The following NBEA variants were observed in gnomAD, a reference collection of about 807,000 sequenced individuals.
NBEA encodes the protein lysosomal-trafficking regulator 2.
NBEA carries 44 observed loss-of-function variants against 343.4 expected under a neutral mutation model. That is an observed-to-expected ratio of 0.13 (90% CI 0.10 to 0.16). The LOEUF is 0.16. Among genes scored for constraint, NBEA ranks in the 10% least tolerant of loss-of-function variants. NBEA has a pLI of 1.00. For synonymous variants in NBEA, 1,175 were observed against 1,238.7 expected (o/e 0.95, Z 1.08); for missense variants, 2,555 against 3,631.3 (o/e 0.70, Z 7.62).
chr13:35,303,214 G>A (rs763075603), intron 35 of NBEA, among the ~76,000 whole-genome samples: 15 of 151,828 alleles, frequency 9.9e-5, no homozygotes, highest in Non-Finnish European at 1.8e-4. Flanking sequence ...AGTTAGATTC[G>A]TTTTCTATAG....
chr13:35,016,231 G>A (rs902214685), intron 1 of NBEA, among the ~76,000 whole-genome samples: 1 of 152,032 alleles, frequency 6.6e-6, no homozygotes, highest in Non-Finnish European at 1.5e-5. Context: ...ATATGTGTAT[G>A]TGTGTGTATG....
chr13:35,126,288 C>G (rs181831666), intron 17 of NBEA, among the ~76,000 whole-genome samples: 1 of 152,060 alleles, frequency 6.6e-6, no homozygotes, highest in Non-Finnish European at 1.5e-5. Context: ...CCTGAGGCCT[C>G]CCCAGCAATG....
chr13:34,988,497 C>A (rs1371143614), intron 1 of NBEA, among the ~76,000 whole-genome samples: 1 of 151,008 alleles, frequency 6.6e-6, no homozygotes, highest in Non-Finnish European at 1.5e-5. Context: ...CAAGCCTCAG[C>A]AATGGCAGAC....
At chr13:34,948,149 C>T (rs2059244967) in intron 1 of NBEA, among the ~76,000 whole-genome samples, 1 of 152,184 alleles carries the variant, frequency 6.6e-6, no homozygotes, top group Non-Finnish European at 1.5e-5. Context: ...GTCTGGCGTA[C>T]ATGTCACCTC....
chr13:35,654,811 CAT>C (rs2084733459), intron 53 of NBEA, 42 bp from the exon 54 acceptor site: 2 of 1,511,738 alleles, frequency 1.3e-6, no homozygotes, highest in African/African-American at 2.9e-5. Flanking sequence ...TGGCAAAACT[CAT>C]ATGGAATCTT....
chr13:34,956,389 G>GTT (rs768937551), intron 1 of NBEA, among the ~76,000 whole-genome samples: 11 of 104,346 alleles, frequency 1.1e-4, no homozygotes, highest in South Asian at 3.2e-4. Context: ...AGTGAAAGTT[G>GTT]TTTTTTTTTT....
At chr13:35,525,155 T>C (rs2077907512) in intron 41 of NBEA, among the ~76,000 whole-genome samples, 1 of 152,264 alleles carries the variant, frequency 6.6e-6, no homozygotes, top group South Asian at 2.1e-4. Context: ...TTAATATATT[T>C]ACTTACCTTG....
chr13:35,498,240 C>G (rs1476144970), intron 41 of NBEA, among the ~76,000 whole-genome samples: 2 of 152,134 alleles, frequency 1.3e-5, no homozygotes, highest in Non-Finnish European at 2.9e-5. Context: ...TTGAAAATCT[C>G]TCATTGCTAA....
intron 27 of NBEA, among the ~76,000 whole-genome samples, chr13:35,175,225 G>A (rs369235764): frequency 1.7e-4 from 26 of 152,060 alleles, no homozygotes; most frequent in Non-Finnish European, 3.2e-4. Context: ...AAATTTCTGT[G>A]CCTCCGTTTT....
At chr13:35,079,590 A>G (rs1405033945) in intron 10 of NBEA, among the ~76,000 whole-genome samples, 1 of 152,208 alleles carries the variant, frequency 6.6e-6, no homozygotes, top group Non-Finnish European at 1.5e-5. Flanking sequence ...TTTTCTTAGT[A>G]TACCACTAAT....
intron 28 of NBEA, among the ~76,000 whole-genome samples, chr13:35,179,425 A>G (rs190107388): frequency 3.9e-4 from 59 of 151,702 alleles, no homozygotes; most frequent in African/African-American, 9.2e-4. Context: ...ATTAATTTGT[A>G]TAAAAATTTA....
chr13:35,138,937 G>T (rs1041285508), intron 17 of NBEA, among the ~76,000 whole-genome samples: 1 of 151,392 alleles, frequency 6.6e-6, no homozygotes, highest in African/African-American at 2.4e-5. Flanking sequence ...TAATTAATCT[G>T]TATATAAAAT....
At chr13:35,641,834 A>G (rs1026577007) in intron 49 of NBEA, among the ~76,000 whole-genome samples, 18 of 152,094 alleles carry the variant, frequency 1.2e-4, no homozygotes, top group African/African-American at 4.3e-4. Context: ...AAAAATGTAT[A>G]TACATACATA....
intron 31 of NBEA, among the ~76,000 whole-genome samples, chr13:35,199,914 T>A (rs2072898496): frequency 6.6e-6 from 1 of 152,090 alleles, no homozygotes; most frequent in Non-Finnish European, 1.5e-5. Flanking sequence ...CTGTGCAGAT[T>A]AAGTATATAT....
chr13:35,403,496 C>A (rs991935695), intron 38 of NBEA, among the ~76,000 whole-genome samples: 42 of 151,814 alleles, frequency 2.8e-4, no homozygotes, highest in Non-Finnish European at 5.9e-5. Flanking sequence ...GAAAAACAAG[C>A]AATGGGGAAA....
chr13:35,174,572 G>C (rs998855320), intron 27 of NBEA, among the ~76,000 whole-genome samples: 58 of 152,138 alleles, frequency 3.8e-4, no homozygotes, highest in African/African-American at 1.3e-3. Context: ...TTGGTTATTT[G>C]CAGTGTTGTA....
chr13:35,278,643 A>G (rs915358262), intron 34 of NBEA, among the ~76,000 whole-genome samples: 2 of 152,190 alleles, frequency 1.3e-5, no homozygotes, highest in Admixed American at 6.5e-5. Context: ...ATACTTTTCC[A>G]TATCATTTCA....
intron 35 of NBEA, among the ~76,000 whole-genome samples, chr13:35,293,724 T>G (rs2035941791): frequency 6.6e-6 from 1 of 152,042 alleles, no homozygotes; most frequent in African/African-American, 2.4e-5. Flanking sequence ...CAAGTAAACT[T>G]CTTTAGGTGC....
rs753772783 is a variant in NBEA, at chr13:35,309,602, T to C, written c.5903+10T>C. On this transcript the variant is annotated intron_variant, in intron 36 of 58. Coordinates refer to ENST00000379939, the MANE Select transcript of NBEA (RefSeq NM_001385012.1). ...TCATCAATGAAGGAAGGTAATTAAT[T>C]TTACAATTTTAGACAACTAGTCAGT... 1.3e-6 allele frequency: 2 copies of C among 1,532,204 alleles called. No individual in the cohort carries two copies. Among genetic ancestry groups the C allele is most frequent in the South Asian group, 2.4e-5 (2 of 82,588 alleles). 94.9% of individuals were successfully genotyped at this position (1,532,204 alleles called of 1,614,324 possible).
Sources: allele counts gnomAD v4.1 joint callset (sites outside exome capture counted in the v4.1 genomes callset), GRCh38; gene constraint gnomAD v4.1.1; transcripts MANE v1.5; gene names NCBI Gene and HGNC (gene_info 2026-07-23, HGNC 2026-07-21).